The following ZNF536 variants were observed in gnomAD, a reference collection of about 807,000 sequenced individuals.
The protein encoded by ZNF536 is zinc finger protein 536.
A neutral mutation model predicts 84.5 loss-of-function variants in ZNF536; 13 were observed. The observed-to-expected ratio is 0.15, with a 90% CI of 0.10 to 0.24. The LOEUF is 0.24. Among genes scored for constraint, ZNF536 ranks in the 10% least tolerant of loss-of-function variants. The pLI is 1.00. For missense variants in ZNF536, 1,536 were observed against 1,747.5 expected, an observed-to-expected ratio of 0.88 and a Z score of 2.16; for synonymous variants, 811 against 742.5, an observed-to-expected ratio of 1.09 and a Z score of -1.50.
chr19:30,431,762 G>C (rs1022374646), intron 1 of ZNF536, among the ~76,000 whole-genome samples: 2 of 152,180 alleles, frequency 1.3e-5, no homozygotes, highest in Non-Finnish European at 2.9e-5. Context: ...GGGTCCTGCG[G>C]AGGCCAGGGC....
At chr19:30,277,379 C>T (rs914252404) in intron 1 of ZNF536, among the ~76,000 whole-genome samples, 4 of 152,202 alleles carry the variant, frequency 2.6e-5, no homozygotes, top group Admixed American at 6.5e-5. Context: ...TTATCATCCC[C>T]GAGCCTGGTC....
chr19:30,579,341 C>A (rs1198743303), intron 1 of ZNF536, among the ~76,000 whole-genome samples: 5 of 152,274 alleles, frequency 3.3e-5, no homozygotes, highest in Non-Finnish European at 5.9e-5. Context: ...GCTGGGTGAT[C>A]CTGCTGATCC....
intron 1 of ZNF536, among the ~76,000 whole-genome samples, chr19:30,425,069 A>G (rs1164282220): frequency 2.0e-5 from 3 of 152,160 alleles, no homozygotes; most frequent in Admixed American, 2.0e-4. Context: ...AGAATGACAC[A>G]ATGGACTTTG....
rs550374499 is a variant in ZNF536, at chr19:30,641,337, CAGTTTT to C, written c.170-69414_170-69409del. Among the ~76,000 whole-genome samples, 68 of 152,272 alleles carry C rather than the reference CAGTTTT, an allele frequency of 4.5e-4. No homozygotes were observed. The Middle Eastern group carries it at 0.014, about 30-fold the overall frequency. On this transcript the variant is annotated intron_variant, in intron 1 of 1. Coordinates refer to the ZNF536 transcript ENST00000592773. ...ATTGCTTACTGCATGAAGAATGCCA[CAGTTTT>C]AGTTTATCTCCTTTCAGCTTTCTTC...
chr19:30,424,463 A>C (rs1183007287), intron 1 of ZNF536, among the ~76,000 whole-genome samples: 1 of 152,178 alleles, frequency 6.6e-6, no homozygotes, highest in Non-Finnish European at 1.5e-5. Context: ...TTTACTGAGC[A>C]CAGGTAACAC....
At chr19:30,234,770 C>T (rs571018763) in intron 1 of ZNF536, among the ~76,000 whole-genome samples, 33 of 150,460 alleles carry the variant, frequency 2.2e-4, no homozygotes, top group African/African-American at 7.9e-4. Context: ...CACACACACA[C>T]ACACGCGCAC....
chr19:30,649,665 G>A (rs2049623286), intron 1 of ZNF536, among the ~76,000 whole-genome samples: 1 of 151,584 alleles, frequency 6.6e-6, no homozygotes, highest in East Asian at 1.9e-4. Context: ...GCCCCTTTGG[G>A]GTCACAGGAA....
chr19:30,611,523 A>G (rs972058924), intron 1 of ZNF536, among the ~76,000 whole-genome samples: 2 of 152,190 alleles, frequency 1.3e-5, no homozygotes, highest in African/African-American at 4.8e-5. Flanking sequence ...ATAATCCTTA[A>G]TTACTTCCAT....
chr19:30,382,065 T>C (rs1377425198), intron 1 of ZNF536, among the ~76,000 whole-genome samples: 1 of 152,122 alleles, frequency 6.6e-6, no homozygotes, highest in Non-Finnish European at 1.5e-5. Context: ...TGGGTAAAAA[T>C]GACCTTCTTT....
chr19:30,316,840 C>A (rs976171344), intron 2 of ZNF536, among the ~76,000 whole-genome samples: 1 of 152,192 alleles, frequency 6.6e-6, no homozygotes, highest in African/African-American at 2.4e-5. Flanking sequence ...GCCGTGGAAT[C>A]CCGTGCTGAG....
At chr19:30,280,009 G>T (rs2045380966) in intron 1 of ZNF536, among the ~76,000 whole-genome samples, 1 of 152,144 alleles carries the variant, frequency 6.6e-6, no homozygotes, top group Non-Finnish European at 1.5e-5. Context: ...GGGCCATCCT[G>T]TGTCTCCCCA....
intron 1 of ZNF536, among the ~76,000 whole-genome samples, chr19:30,616,637 G>A (rs2048304485): frequency 6.6e-6 from 1 of 152,066 alleles, no homozygotes; most frequent in African/African-American, 2.4e-5. Flanking sequence ...TTTTCGTCAG[G>A]TTTGATAACC....
At chr19:30,261,714 A>G (rs545307322) in intron 1 of ZNF536, among the ~76,000 whole-genome samples, 14 of 151,668 alleles carry the variant, frequency 9.2e-5, no homozygotes, top group South Asian at 2.1e-4. Flanking sequence ...AAAAAAAAAA[A>G]AAAGAAAAAG....
At chr19:30,396,858 G>A (rs556595114) in intron 1 of ZNF536, among the ~76,000 whole-genome samples, 1 of 152,244 alleles carries the variant, frequency 6.6e-6, no homozygotes, top group East Asian at 1.9e-4. Flanking sequence ...GCCCGCCTTG[G>A]CCTCCCAAAG....
intron 1 of ZNF536, among the ~76,000 whole-genome samples, chr19:30,431,902 G>A (rs532423517): frequency 6.6e-6 from 1 of 152,116 alleles, no homozygotes; most frequent in South Asian, 2.1e-4. Context: ...GAAAGCCAGC[G>A]AGAGGAGAGT....
intron 1 of ZNF536, among the ~76,000 whole-genome samples, chr19:30,232,979 G>T (rs1001585772): frequency 6.6e-6 from 1 of 152,218 alleles, no homozygotes; most frequent in Admixed American, 6.5e-5. Context: ...CCTCTTCAGG[G>T]GGGTGGAAGG....
intron 2 of ZNF536, among the ~76,000 whole-genome samples, chr19:30,526,555 T>A (rs1000300877): frequency 7.1e-6 from 1 of 141,370 alleles, no homozygotes; most frequent in African/African-American, 2.5e-5. Context: ...AAACCCCGTC[T>A]CTACTAAAAA....
chr19:30,579,572 GCAAAGTTAC>G (rs2046850475), intron 1 of ZNF536, among the ~76,000 whole-genome samples: 1 of 152,120 alleles, frequency 6.6e-6, no homozygotes, highest in South Asian at 2.1e-4. Flanking sequence ...AATTCTGCTT[GCAAAGTTAC>G]CATCAATCAT....
intron 1 of ZNF536, among the ~76,000 whole-genome samples, chr19:30,434,561 C>T (rs2051623427): frequency 6.6e-6 from 1 of 152,260 alleles, no homozygotes; most frequent in Admixed American, 6.5e-5. Context: ...CCTATTTCCT[C>T]ATCTTTTGTA....
Sources: allele counts gnomAD v4.1 joint callset (sites outside exome capture counted in the v4.1 genomes callset), GRCh38; gene constraint gnomAD v4.1.1; transcripts MANE v1.5; gene names NCBI Gene and HGNC (gene_info 2026-07-23, HGNC 2026-07-21).